Variants in YJEFN3 observed in about 807,000 individuals in gnomAD.
YJEFN3 encodes the protein yjeF N-terminal domain-containing protein 3.
Under a neutral mutation model 31.5 loss-of-function variants are expected in YJEFN3, and 29 were observed. The ratio of observed to expected loss-of-function variants is 0.92; its 90% CI spans 0.69 to 1.26. The LOEUF is 1.26. Ranked by LOEUF, YJEFN3 falls within the 50% of genes most tolerant of loss-of-function variation. The pLI is 0.00. For synonymous variants in YJEFN3, 227 were observed against 196.1 expected (o/e 1.16, Z -1.32); for missense variants, 442 against 425.4 (o/e 1.04, Z -0.34).
intron 6 of YJEFN3, 171 bp downstream of exon 6, chr19:19,535,850 A>C (rs1037047896): frequency 4.4e-6 from 4 of 917,088 alleles, no homozygotes; most frequent in Non-Finnish European, 6.8e-6. Flanking sequence ...GGGAAGATCG[A>C]GGCTGCCACC....
At chr19:19,533,595 C>G (rs2061179515) in intron 3 of YJEFN3, 5 of 901,878 alleles carry the variant, frequency 5.5e-6, no homozygotes, top group Non-Finnish European at 6.6e-6. Context: ...CCCACTTACC[C>G]TACCTCCTCC....
chr19:19,529,111 C>T (rs1266391046), intron 1 of YJEFN3, 120 bp downstream of exon 1: 2 of 1,485,988 alleles, frequency 1.3e-6, no homozygotes, highest in Admixed American at 4.7e-5. Flanking sequence ...TGGAGACGGG[C>T]ACAGCCGGGA....
chr19:19,532,374 C>T (rs992418627), intron 2 of YJEFN3, among the ~76,000 whole-genome samples: 7 of 152,364 alleles, frequency 4.6e-5, no homozygotes, highest in East Asian at 1.9e-4. Context: ...GCGCGGCCAG[C>T]GCATCTTCTG....
rs150655964 is a variant in YJEFN3, at chr19:19,529,811, G to A, written c.209+298G>A. ...TGAGGGGGCTCTCAGGGGTGGGTAG[G>A]AGCTAGAACGTAGTGGGGAACTGGC... On this transcript the variant is annotated intron_variant, in intron 2 of 6. Transcript: ENST00000514277. Among the ~76,000 whole-genome samples, 805 of 152,310 alleles carry A rather than the reference G, an allele frequency of 5.3e-3. 6 individuals carry two copies. The highest frequency in any genetic ancestry group is 0.041 in the South Asian group (198 of 4,828).
intron 6 of YJEFN3, 107 bp downstream of exon 6, chr19:19,535,786 C>T: frequency 7.2e-7 from 1 of 1,387,902 alleles, no homozygotes; most frequent in Non-Finnish European, 9.9e-7. Flanking sequence ...ATCTCCCCAG[C>T]TTGGATGGAC....
At chr19:19,536,051 C>T (rs920116741) in intron 6 of YJEFN3, 7 of 515,734 alleles carry the variant, frequency 1.4e-5, no homozygotes, top group African/African-American at 8.0e-5. Flanking sequence ...GCTGGCCAGC[C>T]GGACCCTCCG....
chr19:19,535,877 CTCCTCTT>C, intron 6 of YJEFN3, 198 bp downstream of exon 6: 1 of 714,842 alleles, frequency 1.4e-6, no homozygotes, highest in Non-Finnish European at 2.4e-6. Context: ...GACCCCAGGT[CTCCTCTT>C]TCCTCCACCC....
At chr19:19,536,698 G>A (rs564070776) in intron 6 of YJEFN3, among the ~76,000 whole-genome samples, 2 of 151,126 alleles carry the variant, frequency 1.3e-5, no homozygotes, top group Non-Finnish European at 2.9e-5. Flanking sequence ...CAGGCTGGGC[G>A]CAATGGCTCA....
At chr19:19,529,315 C>T (rs759335810) in intron 1 of YJEFN3, 49 bp from the exon 2 acceptor site, 9 of 1,568,022 alleles carry the variant, frequency 5.7e-6, no homozygotes, top group Non-Finnish European at 6.9e-6. Flanking sequence ...CTGGTCGCTC[C>T]CCCACCGAAC....
chr19:19,536,617 T>A (rs2061212119), intron 6 of YJEFN3, among the ~76,000 whole-genome samples: 1 of 151,880 alleles, frequency 6.6e-6, no homozygotes, highest in Non-Finnish European at 1.5e-5. Context: ...AGGCAGAGGT[T>A]GCTGTGAGCT....
In YJEFN3 at chr19:19,534,571, C is replaced by T. The variant is rs113188529; in HGVS notation, c.319-463C>T. 5.5e-4 allele frequency: 84 copies of T among 153,848 alleles called. 2 individuals are homozygous for T. Among genetic ancestry groups the T allele is most frequent in the African/African-American group, 1.9e-3 (78 of 41,358 alleles). The allele number at this position is 153,848 out of a possible 1,614,324, so 9.5% of individuals were successfully genotyped here. A position where few individuals can be genotyped will look rare whatever the true frequency, so the allele number is the denominator to read the frequency against. Reference sequence around the variant, plus strand: ...AGAGACACACAGAGAGACAGAGACACGGAGAGTCTGAGAGATACAGAGAGA... The same window carrying T: ...AGAGACACACAGAGAGACAGAGACATGGAGAGTCTGAGAGATACAGAGAGA... On this transcript the variant is annotated intron_variant, in intron 3 of 6. Transcript: ENST00000514277. The surrounding 1 kb of genome is among the most constrained non-coding windows in gnomAD (Gnocchi z 4.6).
intron 4 of YJEFN3, 55 bp from the exon 5 acceptor site, chr19:19,535,282 T>C: frequency 5.1e-6 from 8 of 1,567,380 alleles, no homozygotes; most frequent in Non-Finnish European, 7.0e-6. Flanking sequence ...CCAGGCAGGG[T>C]CTGGTGCTGG....
Position 19,529,424 on chromosome 19 carries a change from TACC to T in YJEFN3, c.124_126del (p.Thr42del). Reference sequence around the variant, plus strand: ...GAAGAGCGGAGCTTAGCTCAAATGCTACCACCTCCCTTGTCCAGAGGAGGAAAC... The same window carrying T: ...GAAGAGCGGAGCTTAGCTCAAATGCTACCTCCCTTGTCCAGAGGAGGAAAC... On this transcript the variant is annotated inframe_deletion, in exon 2 of 7. Transcript: ENST00000514277. 1.9e-6 allele frequency: 3 copies of T among 1,614,116 alleles called. No homozygotes were observed. Among genetic ancestry groups the T allele is most frequent in the Non-Finnish European group, 2.5e-6 (3 of 1,180,004 alleles).
Position 19,535,632 on chromosome 19 carries a change from C to G in YJEFN3, c.647C>G (p.Thr216Arg), listed in dbSNP as rs146733860. The G allele has an allele frequency of 8.3e-3, 13,215 of 1,586,332 alleles. 85 individuals carry two copies. Among genetic ancestry groups the G allele is most frequent in the Non-Finnish European group, 0.01 (11,769 of 1,166,960 alleles). ...GGCCCCTGCACCCGCGCGCTGGCCACGCTCAAGCTGCTGTCCATCCCCCTC... is the reference window on the plus strand; with the variant it reads ...GGCCCCTGCACCCGCGCGCTGGCCAGGCTCAAGCTGCTGTCCATCCCCCTC... ...VGGPCTRALA[T>R]LKLLSIPLVS... Residue 216 changes from threonine (T) to arginine (R), a missense_variant, in exon 6 of 7, where the codon ACG becomes AGG. Thr to Arg is a moderately conservative substitution (Grantham distance 71, BLOSUM62 -1). Coordinates refer to ENST00000514277, the MANE Select transcript of YJEFN3 (RefSeq NM_198537.4).
Position 19,537,446 on chromosome 19 carries a change from C to T in YJEFN3, c.822C>T (p.Phe274=), listed in dbSNP as rs780389991. Residue 274 remains phenylalanine, a synonymous_variant, in exon 7 of 7, where the codon TTC becomes TTT. Transcript: ENST00000514277. ...SGRHHFVAGR[F]VPDDVRRKFA... ...GCCACCACTTCGTGGCCGGCAGGTT[C>T]GTGCCCGATGACGTGCGCCGCAAGT... 14 of 1,587,548 alleles carry T rather than the reference C, an allele frequency of 8.8e-6. No homozygotes were observed. In the East Asian group the frequency reaches 1.8e-4, roughly 21 times the overall value.
chr19:19,536,418 C>T (rs2061210096), intron 6 of YJEFN3, among the ~76,000 whole-genome samples: 1 of 152,156 alleles, frequency 6.6e-6, no homozygotes, highest in African/African-American at 2.4e-5. Context: ...GCAGGGGTCA[C>T]ACCTGTAATC....
chr19:19,533,861 T>C lies in YJEFN3; in HGVS notation c.318+1121T>C, dbSNP rs963586462. 4.7e-5 allele frequency: 46 copies of C among 985,392 alleles called. No homozygotes were observed. In the Admixed American group the frequency reaches 6.1e-4, roughly 13 times the overall value. 61.0% of individuals were successfully genotyped at this position (985,392 alleles called of 1,614,324 possible). A position where few individuals can be genotyped will look rare whatever the true frequency, so the allele number is the denominator to read the frequency against. On this transcript the variant is annotated intron_variant, in intron 3 of 6. Transcript: ENST00000514277. ...GTTTTTGCACTGAAAGCCCCTTGTC[T>C]GTCCAGAAGCCCCTCAGTCCCAGTC...
At position 19,537,441 on chromosome 19, in the gene YJEFN3, A is replaced by G. The variant is rs2061222107; in HGVS notation, c.817A>G (p.Arg273Gly). 6.3e-7 allele frequency: 1 copy of G among 1,588,730 alleles called. No homozygotes were observed. Among genetic ancestry groups the G allele is most frequent in the Non-Finnish European group, 8.5e-7 (1 of 1,173,468 alleles). Residue 273 changes from arginine (R) to glycine (G), a missense_variant, in exon 7 of 7, where the codon AGG (arginine) becomes GGG (glycine). Physicochemically the swap from Arg to Gly is moderately radical, Grantham distance 125. Transcript: ENST00000514277. ...CGGGCGCCACCACTTCGTGGCCGGC[A>G]GGTTCGTGCCCGATGACGTGCGCCG... Reference protein sequence around the residue: ...FSGRHHFVAGRFVPDDVRRKF... With the variant: ...FSGRHHFVAGGFVPDDVRRKF...
At chr19:19,531,125 C>T (rs973148747) in intron 2 of YJEFN3, among the ~76,000 whole-genome samples, 2 of 152,236 alleles carry the variant, frequency 1.3e-5, no homozygotes, top group Middle Eastern at 3.2e-3. Flanking sequence ...CCTTCTCCTG[C>T]ACTCTGCCTA....
Sources: allele counts gnomAD v4.1 joint callset (sites outside exome capture counted in the v4.1 genomes callset), GRCh38; gene constraint gnomAD v4.1.1; non-coding constraint Gnocchi (gnomAD v3.1); transcripts MANE v1.5; gene names NCBI Gene and HGNC (gene_info 2026-07-23, HGNC 2026-07-21).